Variants in RABGAP1 observed in about 807,000 individuals in gnomAD.
The protein encoded by RABGAP1 is rab GTPase-activating protein 1.
Under a neutral mutation model 137.6 loss-of-function variants are expected in RABGAP1, and 23 were observed. The observed-to-expected ratio is 0.17, with a 90% confidence interval of 0.12 to 0.24. The LOEUF (loss-of-function observed/expected upper bound fraction) is 0.24, where lower values mean the gene tolerates loss of function less well. RABGAP1 is among the 10% of genes least tolerant of loss of function. RABGAP1 has a pLI of 1.00. For synonymous variants in RABGAP1, 451 were observed against 450.7 expected, an observed-to-expected ratio of 1.00 and a Z score of -0.01; for missense variants, 906 against 1,275.8, an observed-to-expected ratio of 0.71 and a Z score of 4.42.
At chr9:123,084,587 G>GT (rs997460733) in intron 19 of RABGAP1, among the ~76,000 whole-genome samples, 1 of 152,180 alleles carries the variant, frequency 6.6e-6, no homozygotes, top group Admixed American at 6.5e-5. Flanking sequence ...AGGGTAGCCT[G>GT]TTTCATGCTT....
chr9:123,058,401 C>T (rs555526245), intron 13 of RABGAP1, among the ~76,000 whole-genome samples: 2 of 152,038 alleles, frequency 1.3e-5, no homozygotes, highest in Admixed American at 6.5e-5. Context: ...TTGGCATATG[C>T]GAACCAAATA....
intron 6 of RABGAP1, among the ~76,000 whole-genome samples, chr9:122,995,315 A>G (rs1836957946): frequency 6.6e-6 from 1 of 152,160 alleles, no homozygotes; most frequent in African/African-American, 2.4e-5. Context: ...TTGAAACTCA[A>G]AAGATCTATG....
intron 10 of RABGAP1, among the ~76,000 whole-genome samples, chr9:123,004,249 G>C (rs575154035): frequency 4.2e-4 from 64 of 152,228 alleles, no homozygotes; most frequent in African/African-American, 1.4e-3. Context: ...GTAATCTTTG[G>C]GGGTGACGCT....
At chr9:123,095,481 C>T (rs889945046) in intron 21 of RABGAP1, among the ~76,000 whole-genome samples, 3 of 152,110 alleles carry the variant, frequency 2.0e-5, no homozygotes, top group Admixed American at 6.5e-5. Flanking sequence ...AGGAAGATTG[C>T]TTGAGCCCAA....
intron 21 of RABGAP1, among the ~76,000 whole-genome samples, chr9:123,096,777 G>A (rs545902166): frequency 6.6e-6 from 1 of 152,212 alleles, no homozygotes; most frequent in South Asian, 2.1e-4. Flanking sequence ...TCACTATGTT[G>A]GCCAGGCTGT....
upstream of RABGAP1, chr9:122,937,659 ATG>A (rs1034903071): frequency 6.6e-6 from 1 of 152,076 alleles, no homozygotes; most frequent in Non-Finnish European, 1.5e-5. Flanking sequence ...CAGGAAAACA[ATG>A]TATGAATAAA....
At chr9:122,970,151 T>TG (rs1835395333) in intron 2 of RABGAP1, among the ~76,000 whole-genome samples, 1 of 151,684 alleles carries the variant, frequency 6.6e-6, no homozygotes, top group Admixed American at 6.6e-5. Context: ...TGGCCTCAAG[T>TG]GGTCCACCTG....
At chr9:123,039,487 A>G (rs2032846888) in intron 13 of RABGAP1, among the ~76,000 whole-genome samples, 2 of 152,168 alleles carry the variant, frequency 1.3e-5, no homozygotes, top group Non-Finnish European at 1.5e-5. Context: ...TCTGTAAGGT[A>G]TTATAGGGCA....
chr9:122,956,855 TA>T (rs202206210), intron 1 of RABGAP1, among the ~76,000 whole-genome samples, 155 bp from the exon 2 acceptor site: 3 of 150,492 alleles, frequency 2.0e-5, no homozygotes, highest in Non-Finnish European at 4.4e-5. Flanking sequence ...TTATCTGGAA[TA>T]AAAAAAAACC....
At chr9:122,981,038 T>G (rs1415110416) in intron 2 of RABGAP1, among the ~76,000 whole-genome samples, 1 of 152,100 alleles carries the variant, frequency 6.6e-6, no homozygotes, top group African/African-American at 2.4e-5. Context: ...TTGTTGTTGT[T>G]GTTGTTGTTG....
At chr9:123,086,502 G>T (rs955084608) in intron 19 of RABGAP1, among the ~76,000 whole-genome samples, 3 of 152,176 alleles carry the variant, frequency 2.0e-5, no homozygotes, top group Admixed American at 6.5e-5. Context: ...CCCTGCTGCT[G>T]CTGGCACCTT....
At chr9:123,064,911 C>G (rs532376190) in intron 13 of RABGAP1, among the ~76,000 whole-genome samples, 1 of 152,162 alleles carries the variant, frequency 6.6e-6, no homozygotes, top group African/African-American at 2.4e-5. Context: ...AGTAACTACT[C>G]TTTTCCATTT....
At chr9:123,004,536 G>A (rs2030034614) in intron 10 of RABGAP1, among the ~76,000 whole-genome samples, 1 of 152,044 alleles carries the variant, frequency 6.6e-6, no homozygotes, top group East Asian at 1.9e-4. Context: ...TCCCACCTCA[G>A]CCTCCCAAAG....
intron 19 of RABGAP1, among the ~76,000 whole-genome samples, chr9:123,086,981 A>G (rs2034886676): frequency 3.3e-5 from 5 of 152,240 alleles, no homozygotes; most frequent in Admixed American, 2.6e-4. Context: ...AAAATAATTC[A>G]TACTCAATGC....
intron 2 of RABGAP1, among the ~76,000 whole-genome samples, chr9:122,958,063 CAGTT>C (rs1387081599): frequency 1.3e-5 from 2 of 152,208 alleles, no homozygotes; most frequent in African/African-American, 2.4e-5. Context: ...CCCTACTGCT[CAGTT>C]AGGCACCCCC....
At chr9:123,018,653 A>T (rs592977) in intron 12 of RABGAP1, among the ~76,000 whole-genome samples, 82 of 152,088 alleles carry the variant, frequency 5.4e-4, no homozygotes, top group Admixed American at 3.9e-3. Flanking sequence ...ACTTTTACAT[A>T]ATGTTTTTAT....
chr9:122,969,663 T>C (rs1835368913), intron 2 of RABGAP1, among the ~76,000 whole-genome samples: 1 of 152,150 alleles, frequency 6.6e-6, no homozygotes, highest in Non-Finnish European at 1.5e-5. Flanking sequence ...AAAAAAGATT[T>C]GTAGAGCATC....
chr9:123,054,750 A>G (rs1338310473), intron 13 of RABGAP1, among the ~76,000 whole-genome samples: 1 of 152,148 alleles, frequency 6.6e-6, no homozygotes, highest in African/African-American at 2.4e-5. Flanking sequence ...GTTTTGGATG[A>G]CTTTGACAGT....
At chr9:123,053,426 T>A (rs540174163) in intron 13 of RABGAP1, among the ~76,000 whole-genome samples, 44 of 152,352 alleles carry the variant, frequency 2.9e-4, no homozygotes, top group Non-Finnish European at 4.6e-4. Flanking sequence ...TCATCCTCAT[T>A]TATTTTATAT....
Sources: gnomAD v4.1 joint callset for allele counts (sites outside exome capture counted in the v4.1 genomes callset) on GRCh38, gnomAD v4.1.1 for gene constraint, MANE v1.5 for transcripts, NCBI Gene and HGNC (gene_info 2026-07-23, HGNC 2026-07-21) for gene names.